The following LBP variants were observed in gnomAD, a reference collection of about 807,000 sequenced individuals.
LBP encodes the protein lipopolysaccharide binding protein.
A neutral mutation model predicts 56.6 loss-of-function variants in LBP; 53 were observed. The observed-to-expected ratio is 0.94, with a 90% CI of 0.75 to 1.18. The LOEUF (loss-of-function observed/expected upper bound fraction) is 1.18, where lower values mean the gene tolerates loss of function less well. LBP is among the 50% of genes most tolerant of loss of function. LBP has a pLI of 0.00. For synonymous variants in LBP, 227 were observed against 247.5 expected (o/e 0.92, Z 0.78); for missense variants, 601 against 598.3 (o/e 1.00, Z -0.05).
intron 8 of LBP, among the ~76,000 whole-genome samples, chr20:38,364,976 T>G (rs1238412444): frequency 6.6e-6 from 1 of 152,234 alleles, no homozygotes; most frequent in Non-Finnish European, 1.5e-5. Context: ...GGCTCACGCC[T>G]GTAATCTCAG....
At position 38,364,670 on chromosome 20, in the gene LBP, C is replaced by T. The variant is rs756668721; in HGVS notation, c.839C>T (p.Ala280Val). ...PEEHNKMVYFAISDYVFNTAS... is the reference protein window; with the variant it reads ...PEEHNKMVYFVISDYVFNTAS... ...GAACACAACAAAATGGTCTACTTTG[C>T]CATCTCGGATTATGTCTTCAACACG... Residue 280 changes from alanine to valine, a missense_variant, in exon 8 of 15, where the codon GCC becomes GTC. Transcript: ENST00000217407. 1 of 1,614,142 alleles carries T rather than the reference C, an allele frequency of 6.2e-7. No individual in the cohort carries two copies. Among genetic ancestry groups the T allele is most frequent in the African/African-American group, 1.3e-5 (1 of 75,036 alleles).
intron 13 of LBP, among the ~76,000 whole-genome samples, 187 bp from the exon 14 acceptor site, chr20:38,373,746 CTTGG>C (rs2076908630): frequency 8.2e-6 from 1 of 122,436 alleles, no homozygotes; most frequent in South Asian, 2.9e-4. Flanking sequence ...GAACAAGTTA[CTTGG>C]CCACTCTGTG....
intron 14 of LBP, among the ~76,000 whole-genome samples, chr20:38,375,858 G>T (rs1037118347): frequency 1.3e-5 from 2 of 152,238 alleles, no homozygotes; most frequent in African/African-American, 2.4e-5. Flanking sequence ...GGGCAGGGGG[G>T]ATGATTAGGG....
At chr20:38,355,448 C>T (rs559029199) in intron 5 of LBP, 39 bp downstream of exon 5, 4 of 1,575,426 alleles carry the variant, frequency 2.5e-6, no homozygotes, top group Middle Eastern at 3.3e-4. Flanking sequence ...CCGAGCTTGG[C>T]GAGGGCTGAA....
chr20:38,350,513 T>C (rs1247293380), intron 2 of LBP, among the ~76,000 whole-genome samples: 1 of 152,184 alleles, frequency 6.6e-6, no homozygotes, highest in Non-Finnish European at 1.5e-5. Context: ...ATTAGATTCA[T>C]GGGTTCTGAT....
chr20:38,366,864 G>T, intron 9 of LBP, 36 bp downstream of exon 9: 6 of 1,564,988 alleles, frequency 3.8e-6, no homozygotes, highest in Non-Finnish European at 5.3e-6. Flanking sequence ...AGTGCAGACC[G>T]AGCCTACTAG....
Position 38,360,849 on chromosome 20 carries a change from A to G in LBP, c.652+82A>G, listed in dbSNP as rs530203109. ...ATATATATATCTTATAAAATAGTAA[A>G]TGGGGCAAAAATATAGAAAGTAAAA... On this transcript the variant is annotated intron_variant, in intron 6 of 14. Coordinates refer to ENST00000217407, the MANE Select transcript of LBP (RefSeq NM_004139.5). The G allele has an allele frequency of 9.9e-4, 1,047 of 1,055,776 alleles. 11 individuals are homozygous for G. The highest frequency in any genetic ancestry group is 3.9e-4 in the East Asian group (15 of 38,748). The allele number at this position is 1,055,776 out of a possible 1,614,324, so 65.4% of individuals were successfully genotyped here.
Position 38,358,344 on chromosome 20 carries a change from C to T in LBP, c.589-2360C>T, listed in dbSNP as rs146425008. ...CTGCACCCCTAACCACTACCCCAGT[C>T]GCATCCTCAGGAGGCCCTGCTGTGT... On this transcript the variant is annotated intron_variant, in intron 5 of 14. Coordinates refer to ENST00000217407, the MANE Select transcript of LBP (RefSeq NM_004139.5). Among the ~76,000 whole-genome samples the T allele has an allele frequency of 3.0e-3, 463 of 152,270 alleles. 5 individuals carry two copies. Among genetic ancestry groups the T allele is most frequent in the African/African-American group, 9.3e-3 (385 of 41,562 alleles).
Position 38,369,084 on chromosome 20 carries a change from T to C in LBP, c.1071T>C (p.Ser357=). The C allele has an allele frequency of 6.2e-7, 1 of 1,614,220 alleles. No individual in the cohort carries two copies. The highest frequency in any genetic ancestry group is 8.5e-7 in the Non-Finnish European group (1 of 1,180,028). The part of the protein sequence containing the change: ...PLLNFSPGNL[S]VDPYMEIDAF... ...TGAACTTCAGCCCTGGGAATCTGTC[T>C]GTGGACCCCTATATGGAGATAGATG... The change falls in exon 10 of 15, where the codon TCT becomes TCC. Residue 357 remains serine, a synonymous_variant. Transcript: ENST00000217407.
At chr20:38,356,465 T>C (rs889814586) in intron 5 of LBP, among the ~76,000 whole-genome samples, 3 of 145,420 alleles carry the variant, frequency 2.1e-5, no homozygotes, top group Non-Finnish European at 3.0e-5. Flanking sequence ...CCCTCGTCTG[T>C]AGGTCCAACC....
chr20:38,349,468 A>T (rs1007926577), intron 1 of LBP, 80 bp from the exon 2 acceptor site: 3 of 1,002,942 alleles, frequency 3.0e-6, no homozygotes, highest in Non-Finnish European at 4.6e-6. Context: ...TCTTGAGGAC[A>T]GGTGGGAGCC....
rs1438919626 is a variant in LBP, at chr20:38,374,793, T to TC, written c.1401+780_1401+781insC. On this transcript the variant is annotated intron_variant, in intron 14 of 14. Coordinates refer to ENST00000217407, the MANE Select transcript of LBP (RefSeq NM_004139.5). ...ACTACAACCATATATACTTTTTTTTTTTTTTTTTGAGACAGAGCCTGGCTC... is the reference window on the plus strand; with the variant it reads ...ACTACAACCATATATACTTTTTTTTTCTTTTTTTTGAGACAGAGCCTGGCTC... Among the ~76,000 whole-genome samples, 4 of 147,868 alleles carry TC rather than the reference T, an allele frequency of 2.7e-5. No individual in the cohort carries two copies. The East Asian group carries it at 7.9e-4, about 29-fold the overall frequency.
intron 12 of LBP, among the ~76,000 whole-genome samples, chr20:38,371,544 C>A (rs2076900916): frequency 6.6e-6 from 1 of 152,154 alleles, no homozygotes; most frequent in Admixed American, 6.5e-5. Context: ...GAACAGAATT[C>A]TCTTAACTGC....
intron 5 of LBP, among the ~76,000 whole-genome samples, chr20:38,356,443 CACACACACACA>C (rs1160412511): frequency 0.061 from 9,086 of 148,504 alleles, 434 homozygotes; most frequent in African/African-American, 0.088. Flanking sequence ...CACACACACA[CACACACACACA>C]CCCTCGTCTG....
rs748490452 is a variant in LBP at position 38,376,719 on chromosome 20, T to G, written c.*50T>G. ...GTCACAGCTGGATCTGCTTGTTGCATTTCCAGCTGTGCAGCACGTCTCAGA... is the reference window on the plus strand; with the variant it reads ...GTCACAGCTGGATCTGCTTGTTGCAGTTCCAGCTGTGCAGCACGTCTCAGA... On this transcript the variant is annotated 3_prime_UTR_variant, in exon 15 of 15. Coordinates refer to ENST00000217407, the MANE Select transcript of LBP (RefSeq NM_004139.5). 31 of 1,509,032 alleles carry G rather than the reference T, an allele frequency of 2.1e-5. No individual in the cohort carries two copies. In the South Asian group the frequency reaches 3.0e-4, roughly 15 times the overall value. The allele number at this position is 1,509,032 out of a possible 1,614,324, so 93.5% of individuals were successfully genotyped here. A position where few individuals can be genotyped will look rare whatever the true frequency, so the allele number is the denominator to read the frequency against.
intron 10 of LBP, 75 bp from the exon 11 acceptor site, chr20:38,370,663 G>A: frequency 1.5e-6 from 2 of 1,307,446 alleles, no homozygotes; most frequent in Non-Finnish European, 2.2e-6. Context: ...GGAGACAGTT[G>A]GTCCCTCGTC....
intron 6 of LBP, among the ~76,000 whole-genome samples, chr20:38,363,098 G>C (rs2076867295): frequency 6.6e-6 from 1 of 152,154 alleles, no homozygotes; most frequent in Non-Finnish European, 1.5e-5. Context: ...AGGCCATCTG[G>C]GGGGTGTTCA....
At chr20:38,376,552 C>G in intron 14 of LBP, 73 bp from the exon 15 acceptor site, 3 of 1,398,628 alleles carry the variant, frequency 2.1e-6, no homozygotes, top group Non-Finnish European at 3.0e-6. Flanking sequence ...CGTGGGCTCC[C>G]TTTCAATCGC....
chr20:38,347,541 CA>C (rs530947229), intron 1 of LBP, among the ~76,000 whole-genome samples: 37 of 151,742 alleles, frequency 2.4e-4, no homozygotes, highest in African/African-American at 8.5e-4. Context: ...GAGACTGTCT[CA>C]AAAAAATAAA....
Sources: gnomAD v4.1 joint callset for allele counts (sites outside exome capture counted in the v4.1 genomes callset) on GRCh38, gnomAD v4.1.1 for gene constraint, MANE v1.5 for transcripts, NCBI Gene and HGNC (gene_info 2026-07-23, HGNC 2026-07-21) for gene names.